YEATS4: variants seen among roughly 807,000 people sequenced by gnomAD.
YEATS4 encodes YEATS domain containing 4.
A neutral mutation model predicts 30.1 loss-of-function variants in YEATS4; 17 were observed. That is an observed-to-expected ratio of 0.56 (90% confidence interval 0.39 to 0.85). YEATS4 has a LOEUF of 0.85. YEATS4 is among the 40% of genes least tolerant of loss of function. The pLI is 0.00. For synonymous variants in YEATS4, 85 were observed against 87.5 expected (o/e 0.97, Z 0.16); for missense variants, 142 against 268.3 (o/e 0.53, Z 3.29).
the YEATS4 span, among the ~76,000 whole-genome samples, chr12:69,399,474 T>G: frequency 7.2e-3 from 1,091 of 152,222 alleles, 20 homozygotes; most frequent in African/African-American, 0.025. Flanking sequence ...ATGGCTGCAA[T>G]AAAAGAGACA....
chr12:69,395,566 C>CTA (rs1555176924), downstream of YEATS4, among the ~76,000 whole-genome samples: 2 of 151,824 alleles, frequency 1.3e-5, no homozygotes, highest in Non-Finnish European at 2.9e-5. Context: ...ATTTTAGGGA[C>CTA]TAACTATCTT....
chr12:69,375,466 C>T (rs1357986447), intron 6 of YEATS4, among the ~76,000 whole-genome samples: 2 of 151,796 alleles, frequency 1.3e-5, no homozygotes, highest in African/African-American at 2.4e-5. Flanking sequence ...CGATGGGCGG[C>T]CAGGCAGAGA....
chr12:69,378,417 T>C (rs1208453291), intron 6 of YEATS4, among the ~76,000 whole-genome samples: 2 of 152,184 alleles, frequency 1.3e-5, no homozygotes, highest in African/African-American at 4.8e-5. Context: ...CACCATTTTA[T>C]TTTTCTGATT....
At position 69,362,808 on chromosome 12, in the gene YEATS4, A is replaced by G. The variant is rs1446658451; in HGVS notation, c.72A>G (p.Pro24=). Residue 24 remains proline (P), a synonymous_variant, in exon 2 of 7, where the codon CCA becomes CCG. Transcript: ENST00000247843. ...GRVKGVTIVK[P]IVYGNVARYF... Reference sequence around the variant, plus strand: ...TTTAGGGTGTTACTATCGTTAAACCAATAGTTTACGGTAATGTTGCTCGGT... The same window carrying G: ...TTTAGGGTGTTACTATCGTTAAACCGATAGTTTACGGTAATGTTGCTCGGT... 3.1e-6 allele frequency: 5 copies of G among 1,608,930 alleles called. No individual in the cohort carries two copies. In the South Asian group the frequency reaches 5.5e-5, roughly 18 times the overall value.
intron 1 of YEATS4, among the ~76,000 whole-genome samples, chr12:69,361,591 G>C (rs994540346): frequency 6.6e-6 from 1 of 151,762 alleles, no homozygotes; most frequent in East Asian, 1.9e-4. Flanking sequence ...GTGCCTGGCC[G>C]CTTTTCTTCA....
chr12:69,396,077 C>T, the YEATS4 span, among the ~76,000 whole-genome samples: 5 of 152,132 alleles, frequency 3.3e-5, no homozygotes, highest in Non-Finnish European at 7.3e-5. Flanking sequence ...GGATCTCCAC[C>T]CTAATCTGTT....
chr12:69,410,098 G>A, the YEATS4 span, among the ~76,000 whole-genome samples: 4 of 152,126 alleles, frequency 2.6e-5, no homozygotes, highest in Non-Finnish European at 4.4e-5. Context: ...GGCAGCCCTA[G>A]CAAACTAACA....
intron 6 of YEATS4, among the ~76,000 whole-genome samples, chr12:69,389,596 C>G (rs12303710): frequency 7.1e-6 from 1 of 140,304 alleles, no homozygotes; most frequent in Non-Finnish European, 1.6e-5. Context: ...TCACTGCAAC[C>G]TCTGCCTCCC....
chr12:69,420,363 A>C, the YEATS4 span, among the ~76,000 whole-genome samples: 10 of 151,574 alleles, frequency 6.6e-5, 1 homozygote, highest in Admixed American at 5.3e-4. Flanking sequence ...TTACTGTGAG[A>C]ACTCCATCAC....
At chr12:69,369,536 G>T (rs1875564282) in intron 4 of YEATS4, among the ~76,000 whole-genome samples, 1 of 152,178 alleles carries the variant, frequency 6.6e-6, no homozygotes, top group South Asian at 2.1e-4. Flanking sequence ...ATACTTGCCA[G>T]TTCTGAGCTT....
the YEATS4 span, among the ~76,000 whole-genome samples, chr12:69,424,942 G>T: frequency 1.3e-5 from 2 of 151,860 alleles, no homozygotes; most frequent in Non-Finnish European, 2.9e-5. Flanking sequence ...ATTTTGAGAC[G>T]GAGTTTTGCT....
the YEATS4 span, among the ~76,000 whole-genome samples, chr12:69,417,709 CTATT>C: frequency 2.0e-5 from 3 of 152,048 alleles, no homozygotes; most frequent in Admixed American, 6.5e-5. Context: ...GTTTCTGTGA[CTATT>C]TGTTGGTGTT....
chr12:69,405,611 C>A, the YEATS4 span, among the ~76,000 whole-genome samples: 1 of 152,104 alleles, frequency 6.6e-6, no homozygotes, highest in Admixed American at 6.5e-5. Context: ...TGTGATACTA[C>A]GACAGTGAAT....
chr12:69,390,895 A>G (rs1467480187), downstream of YEATS4: 3 of 152,240 alleles, frequency 2.0e-5, no homozygotes, highest in Non-Finnish European at 2.9e-5. Flanking sequence ...CACATCTCTT[A>G]TTGGCACTCA....
At chr12:69,412,126 T>G in the YEATS4 span, among the ~76,000 whole-genome samples, 1 of 152,312 alleles carries the variant, frequency 6.6e-6, no homozygotes, top group East Asian at 1.9e-4. Context: ...TTAATATGTC[T>G]GTGCAACTGC....
At chr12:69,365,760 G>A (rs777380163) in intron 3 of YEATS4, 30 bp from the exon 4 acceptor site, 19 of 1,537,456 alleles carry the variant, frequency 1.2e-5, no homozygotes, top group South Asian at 6.8e-5. Flanking sequence ...AAACTAAACC[G>A]ATAATTTACT....
At position 69,363,732 on chromosome 12, in the gene YEATS4, T is replaced by A. The variant is rs1228077845; in HGVS notation, c.171+825T>A. ...TTCCTCTATTTAAAACCCTTCAGAG[T>A]CTACCCAAAAACTTGCATGTGAATA... On this transcript the variant is annotated intron_variant, in intron 2 of 6. Coordinates refer to ENST00000247843, the MANE Select transcript of YEATS4 (RefSeq NM_006530.4). Among the ~76,000 whole-genome samples, 4 of 152,284 alleles carry A rather than the reference T, an allele frequency of 2.6e-5. No individual in the cohort carries two copies. The East Asian group carries it at 5.8e-4, about 22-fold the overall frequency.
intron 6 of YEATS4, among the ~76,000 whole-genome samples, chr12:69,380,351 A>G (rs919143962): frequency 1.3e-5 from 2 of 152,170 alleles, no homozygotes; most frequent in Admixed American, 1.3e-4. Flanking sequence ...GTTCTTGCAG[A>G]TTTGTAGGGT....
intron 6 of YEATS4, among the ~76,000 whole-genome samples, chr12:69,377,560 C>T (rs1355335749): frequency 2.0e-5 from 3 of 152,086 alleles, no homozygotes; most frequent in African/African-American, 7.2e-5. Context: ...TGCACCTGAC[C>T]CAATTTTTCA....
Sources: gnomAD v4.1 joint callset for allele counts (sites outside exome capture counted in the v4.1 genomes callset) on GRCh38, gnomAD v4.1.1 for gene constraint, MANE v1.5 for transcripts, NCBI Gene and HGNC (gene_info 2026-07-23, HGNC 2026-07-21) for gene names.